The following IQCM variants were observed in gnomAD, a reference collection of about 807,000 sequenced individuals.
IQCM encodes IQ domain-containing protein M.
In IQCM, 45 loss-of-function variants were observed where a neutral mutation model predicts 57.6. The observed-to-expected ratio is 0.78, with a 90% CI of 0.62 to 1.00. The LOEUF (loss-of-function observed/expected upper bound fraction) is 1.00, where lower values mean the gene tolerates loss of function less well. IQCM is among the 50% of genes least tolerant of loss of function. IQCM has a pLI of 0.00. For missense variants in IQCM, 468 were observed against 511.6 expected, an observed-to-expected ratio of 0.91 and a Z score of 0.82; for synonymous variants, 148 against 158.9, an observed-to-expected ratio of 0.93 and a Z score of 0.51.
chr4:149,353,549 G>T (rs1383751114), intron 13 of IQCM, among the ~76,000 whole-genome samples: 1 of 152,116 alleles, frequency 6.6e-6, no homozygotes, highest in Non-Finnish European at 1.5e-5. Flanking sequence ...TATTTCATTG[G>T]ACAAATAGAT....
Position 149,669,768 on chromosome 4 carries a change from T to G in IQCM, c.565+12350A>C, listed in dbSNP as rs374407455. Among the ~76,000 whole-genome samples the G allele has an allele frequency of 3.9e-5, 6 of 152,304 alleles. No homozygotes were observed. The East Asian group carries it at 1.2e-3, about 29-fold the overall frequency. ...CCATTGCTTGTTTTTGTCAGGTTTG[T>G]CAAAGATCAGACGGTTGTAGGTGTG... On this transcript the variant is annotated intron_variant, in intron 7 of 13. Coordinates refer to ENST00000636793, the MANE Select transcript of IQCM (RefSeq NM_001363507.2).
intron 2 of IQCM, among the ~76,000 whole-genome samples, chr4:149,791,576 TC>T (rs1344786872): frequency 2.6e-5 from 4 of 152,098 alleles, no homozygotes; most frequent in Non-Finnish European, 4.4e-5. Flanking sequence ...TTTATCTGCC[TC>T]CCCCTCCACT....
At chr4:149,439,238 G>A (rs1735667432) in intron 12 of IQCM, among the ~76,000 whole-genome samples, 1 of 151,842 alleles carries the variant, frequency 6.6e-6, no homozygotes, top group Admixed American at 6.6e-5. Flanking sequence ...TAGTTCAAAA[G>A]GTTCGCTTCT....
rs573048421 is a variant in IQCM at position 149,373,403 on chromosome 4, C to T, written c.1391-21337G>A. On this transcript the variant is annotated intron_variant, in intron 13 of 13. Transcript: ENST00000636793. ...AATCAGACACCATATAAGCACTTTGCCTGTATTTTCTCATTTAACCTTGAC... is the reference window on the plus strand; with the variant it reads ...AATCAGACACCATATAAGCACTTTGTCTGTATTTTCTCATTTAACCTTGAC... Among the ~76,000 whole-genome samples the T allele has an allele frequency of 5.2e-4, 79 of 152,114 alleles. 1 individual carries two copies. The highest frequency in any genetic ancestry group is 3.7e-3 in the South Asian group (18 of 4,812).
At chr4:149,707,700 G>C (rs2149824739) in intron 5 of IQCM, among the ~76,000 whole-genome samples, 1 of 152,092 alleles carries the variant, frequency 6.6e-6, no homozygotes, top group East Asian at 1.9e-4. Flanking sequence ...GGAAAGCTCA[G>C]CCTACATGTT....
chr4:149,568,682 G>T (rs947669963), intron 9 of IQCM, among the ~76,000 whole-genome samples: 2 of 152,088 alleles, frequency 1.3e-5, no homozygotes, highest in Non-Finnish European at 2.9e-5. Flanking sequence ...GGGAGGCTGA[G>T]GTGGGAGGAT....
chr4:149,484,804 AT>A (rs1183974065), intron 12 of IQCM, among the ~76,000 whole-genome samples: 1 of 151,872 alleles, frequency 6.6e-6, no homozygotes, highest in Non-Finnish European at 1.5e-5. Flanking sequence ...CCTTCAGACG[AT>A]TTTTTCTTGC....
chr4:149,771,781 G>A (rs1004650614), intron 2 of IQCM, among the ~76,000 whole-genome samples: 3 of 151,978 alleles, frequency 2.0e-5, no homozygotes, highest in Admixed American at 6.6e-5. Flanking sequence ...AAATTCTTGT[G>A]CTGATAATGA....
intron 12 of IQCM, among the ~76,000 whole-genome samples, chr4:149,457,997 G>T (rs1737880989): frequency 6.6e-6 from 1 of 151,788 alleles, no homozygotes; most frequent in Admixed American, 6.6e-5. Context: ...GTTGAACTTT[G>T]TTCAACAAAG....
chr4:149,710,148 T>C (rs763038819), intron 5 of IQCM, among the ~76,000 whole-genome samples: 3 of 152,144 alleles, frequency 2.0e-5, no homozygotes, highest in Non-Finnish European at 4.4e-5. Flanking sequence ...CTAAATGTAA[T>C]TATGCCCTAT....
chr4:149,600,731 A>G (rs1754198306), intron 8 of IQCM, among the ~76,000 whole-genome samples: 1 of 152,184 alleles, frequency 6.6e-6, no homozygotes, highest in Admixed American at 6.6e-5. Flanking sequence ...TAAAAGAATG[A>G]TTCTCAAACT....
At chr4:149,556,927 C>A (rs1749642180) in intron 10 of IQCM, among the ~76,000 whole-genome samples, 2 of 152,160 alleles carry the variant, frequency 1.3e-5, no homozygotes, top group Non-Finnish European at 2.9e-5. Flanking sequence ...ATTACTACTA[C>A]CTGAAGCATA....
chr4:149,433,947 T>C (rs1339898515), intron 12 of IQCM, among the ~76,000 whole-genome samples: 1 of 152,122 alleles, frequency 6.6e-6, no homozygotes, highest in Non-Finnish European at 1.5e-5. Flanking sequence ...TAGAGTTCCA[T>C]ATATTGGAAC....
At chr4:149,677,532 A>C (rs1009465218) in intron 7 of IQCM, among the ~76,000 whole-genome samples, 2 of 152,074 alleles carry the variant, frequency 1.3e-5, no homozygotes, top group African/African-American at 4.8e-5. Flanking sequence ...ATATCCAATA[A>C]AAAAATAAAA....
At chr4:149,667,918 G>A (rs1255483872) in intron 7 of IQCM, among the ~76,000 whole-genome samples, 1 of 152,008 alleles carries the variant, frequency 6.6e-6, no homozygotes, top group African/African-American at 2.4e-5. Context: ...CAAGAAATAT[G>A]GCACTATGTG....
chr4:149,579,817 T>C (rs923708144), intron 9 of IQCM, among the ~76,000 whole-genome samples: 1 of 151,824 alleles, frequency 6.6e-6, no homozygotes, highest in Non-Finnish European at 1.5e-5. Context: ...CAGTCTCTAG[T>C]AGCTGCTTTT....
intron 12 of IQCM, among the ~76,000 whole-genome samples, chr4:149,524,655 G>A (rs1745984379): frequency 6.6e-6 from 1 of 151,558 alleles, no homozygotes; most frequent in East Asian, 1.9e-4. Flanking sequence ...AATTAGTAAT[G>A]GTAGAAGCTG....
At chr4:149,814,894 C>G (rs1774909545) in intron 2 of IQCM, among the ~76,000 whole-genome samples, 1 of 151,864 alleles carries the variant, frequency 6.6e-6, no homozygotes, top group South Asian at 2.1e-4. Flanking sequence ...CCAATTCAGT[C>G]TTTAAAGAGA....
intron 12 of IQCM, among the ~76,000 whole-genome samples, chr4:149,546,466 T>A (rs1748446172): frequency 2.6e-5 from 4 of 152,198 alleles, no homozygotes; most frequent in Non-Finnish European, 5.9e-5. Flanking sequence ...TTTCTCCACA[T>A]CCTCTCCAGC....
Sources: gnomAD v4.1 joint callset for allele counts (sites outside exome capture counted in the v4.1 genomes callset) on GRCh38, gnomAD v4.1.1 for gene constraint, MANE v1.5 for transcripts, NCBI Gene and HGNC (gene_info 2026-07-23, HGNC 2026-07-21) for gene names.